The following DPP10 variants were observed in gnomAD, a reference collection of about 807,000 sequenced individuals.
DPP10 encodes inactive dipeptidyl peptidase 10.
In DPP10, 33 loss-of-function variants were observed where a neutral mutation model predicts 120.9. That is an observed-to-expected ratio of 0.27 (90% CI 0.21 to 0.37). DPP10 has a LOEUF of 0.37. Ranked by LOEUF, DPP10 falls within the 10% of genes least tolerant of loss-of-function variation. The probability of loss-of-function intolerance (pLI) is 1.00; values close to 1 mark genes in which losing one functional copy is unlikely to be tolerated. For synonymous variants in DPP10, 337 were observed against 326.1 expected (o/e 1.03, Z -0.36); for missense variants, 816 against 942.8 (o/e 0.87, Z 1.76).
chr2:114,631,210 T>C (rs555645108), intron 1 of DPP10, among the ~76,000 whole-genome samples: 371 of 152,216 alleles, frequency 2.4e-3, no homozygotes, highest in Non-Finnish European at 4.6e-3. Flanking sequence ...CTACGGCTGC[T>C]GAGCAGAGAG....
intron 1 of DPP10, among the ~76,000 whole-genome samples, chr2:115,224,687 C>T (rs147560975): frequency 1.5e-3 from 224 of 152,232 alleles, no homozygotes; most frequent in African/African-American, 5.2e-3. Context: ...ATCACATACA[C>T]ACAATAATCA....
intron 1 of DPP10, among the ~76,000 whole-genome samples, chr2:115,013,056 T>G (rs1329300530): frequency 2.0e-5 from 3 of 152,206 alleles, no homozygotes. Context: ...GCCTGGTTAT[T>G]TTGCCCATTA....
At chr2:114,604,801 G>C (rs1162039337) in intron 1 of DPP10, among the ~76,000 whole-genome samples, 1 of 152,020 alleles carries the variant, frequency 6.6e-6, no homozygotes. Context: ...TGTAACCACT[G>C]TTATTTATGT....
At chr2:115,541,871 A>T (rs1294381869) in intron 5 of DPP10, among the ~76,000 whole-genome samples, 1 of 151,902 alleles carries the variant, frequency 6.6e-6, no homozygotes, top group Admixed American at 6.6e-5. Flanking sequence ...ACATGGTGGT[A>T]AGTGCTAGGG....
intron 19 of DPP10, among the ~76,000 whole-genome samples, chr2:115,806,019 A>C (rs1685924391): frequency 6.6e-6 from 1 of 152,180 alleles, no homozygotes; most frequent in South Asian, 2.1e-4. Context: ...ACTACTAAGA[A>C]GTGAAAACTC....
chr2:114,836,934 GTCACT>G (rs1188893949), intron 1 of DPP10, among the ~76,000 whole-genome samples: 2 of 152,210 alleles, frequency 1.3e-5, no homozygotes, highest in Non-Finnish European at 2.9e-5. Flanking sequence ...GTTCCACCCG[GTCACT>G]GGTGGTCAGA....
chr2:115,734,110 C>T (rs62155339), intron 8 of DPP10, among the ~76,000 whole-genome samples: 12,144 of 152,174 alleles, frequency 0.08, 654 homozygotes, highest in Non-Finnish European at 0.12. Flanking sequence ...TCACAAGGCT[C>T]TCTATATGAT....
At position 115,843,109 on chromosome 2, in the gene DPP10, G is replaced by A. The variant is rs1347414967; in HGVS notation, c.*764G>A. ...GAGATGCTCTTTTCCAAGCTATAAT[G>A]GATGCTTTGTTTAATGAGCCAAATA... On this transcript the variant is annotated 3_prime_UTR_variant, in exon 26 of 26. Coordinates refer to ENST00000410059, the MANE Select transcript of DPP10 (RefSeq NM_020868.6). 1.3e-5 allele frequency: 2 copies of A among 152,534 alleles called. No individual in the cohort carries two copies. The highest frequency in any genetic ancestry group is 4.8e-5 in the African/African-American group (2 of 41,422). The allele number at this position is 152,534 out of a possible 1,614,324, so 9.4% of individuals were successfully genotyped here. A position where few individuals can be genotyped will look rare whatever the true frequency, so the allele number is the denominator to read the frequency against.
At chr2:115,719,315 T>A (rs1366776222) in intron 7 of DPP10, among the ~76,000 whole-genome samples, 3 of 152,120 alleles carry the variant, frequency 2.0e-5, no homozygotes. Flanking sequence ...GCTGCAAAGG[T>A]TTTAAGAAAT....
intron 1 of DPP10, among the ~76,000 whole-genome samples, chr2:114,964,496 A>G (rs1444342808): frequency 6.6e-6 from 1 of 152,140 alleles, no homozygotes; most frequent in Non-Finnish European, 1.5e-5. Flanking sequence ...TATCCATGGA[A>G]GTCTTCCCCG....
chr2:115,151,697 G>A (rs950657426), intron 1 of DPP10, among the ~76,000 whole-genome samples: 3 of 150,818 alleles, frequency 2.0e-5, no homozygotes, highest in Non-Finnish European at 3.0e-5. Flanking sequence ...GTGAGCCACC[G>A]CGCCCAGTCA....
intron 1 of DPP10, among the ~76,000 whole-genome samples, chr2:114,812,232 A>T (rs372958148): frequency 2.0e-5 from 3 of 152,172 alleles, no homozygotes; most frequent in African/African-American, 7.2e-5. Context: ...GAAGTTAGAA[A>T]GTCTTAAGAC....
intron 3 of DPP10, among the ~76,000 whole-genome samples, chr2:115,433,457 G>A (rs2104795839): frequency 6.6e-6 from 1 of 151,814 alleles, no homozygotes; most frequent in Middle Eastern, 3.4e-3. Flanking sequence ...ACATGTACAT[G>A]TGTGTGTGTG....
At chr2:115,585,975 A>C (rs2082264420) in intron 5 of DPP10, among the ~76,000 whole-genome samples, 1 of 152,170 alleles carries the variant, frequency 6.6e-6, no homozygotes, top group Non-Finnish European at 1.5e-5. Context: ...TAGTTTATGT[A>C]ACTTGTCCTT....
rs80027220 is a variant in DPP10 at position 115,434,561 on chromosome 2, A to G, written c.272-64949A>G. ...ATAATTTTCATTTTTTTGCTGATCCATAATGTGGTACATATTTTGGAGGTA... is the reference window on the plus strand; with the variant it reads ...ATAATTTTCATTTTTTTGCTGATCCGTAATGTGGTACATATTTTGGAGGTA... On this transcript the variant is annotated intron_variant, in intron 3 of 25. Transcript: ENST00000410059. 2.3e-3 allele frequency among the ~76,000 whole-genome samples: 345 copies of G among 151,994 alleles called. 2 individuals are homozygous for G. Among genetic ancestry groups the G allele is most frequent in the African/African-American group, 7.5e-3 (311 of 41,516 alleles).
chr2:114,863,588 A>T (rs1210314861), intron 1 of DPP10, among the ~76,000 whole-genome samples: 1 of 152,112 alleles, frequency 6.6e-6, no homozygotes, highest in African/African-American at 2.4e-5. Flanking sequence ...CACCAGACAC[A>T]TGGCTGCAAA....
At chr2:115,425,812 A>C (rs959212569) in intron 3 of DPP10, among the ~76,000 whole-genome samples, 1 of 152,196 alleles carries the variant, frequency 6.6e-6, no homozygotes, top group Non-Finnish European at 1.5e-5. Flanking sequence ...TAGCACGGGC[A>C]TCTGCTCAGC....
chr2:115,755,016 C>G (rs1679219563), intron 11 of DPP10, among the ~76,000 whole-genome samples: 1 of 152,006 alleles, frequency 6.6e-6, no homozygotes, highest in Non-Finnish European at 1.5e-5. Flanking sequence ...TGAGTTTTGG[C>G]AAATGCATAT....
rs140846377 is a variant in DPP10 at position 114,538,904 on chromosome 2, A to G, written c.60+96066A>G. ...CTGTCGTTAGGCCCATAAGAGCTTC[A>G]CATCGCTTTTTCTCATAGCCCCTTG... On this transcript the variant is annotated intron_variant, in intron 1 of 25. Coordinates refer to ENST00000410059, the MANE Select transcript of DPP10 (RefSeq NM_020868.6). Among the ~76,000 whole-genome samples the G allele has an allele frequency of 2.5e-4, 38 of 152,252 alleles. No individual in the cohort carries two copies. The East Asian group carries it at 7.1e-3, about 29-fold the overall frequency.
Sources: allele counts gnomAD v4.1 joint callset (sites outside exome capture counted in the v4.1 genomes callset), GRCh38; gene constraint gnomAD v4.1.1; transcripts MANE v1.5; gene names NCBI Gene and HGNC (gene_info 2026-07-23, HGNC 2026-07-21).